Variants in RBFOX1 observed in about 807,000 individuals in gnomAD.
The protein encoded by RBFOX1 is RNA binding protein fox-1 homolog 1.
RBFOX1 carries 8 observed loss-of-function variants against 57.7 expected under a neutral mutation model. The observed-to-expected ratio is 0.14, with a 90% CI of 0.08 to 0.25. RBFOX1 has a LOEUF of 0.25. Among genes scored for constraint, RBFOX1 ranks in the 10% least tolerant of loss-of-function variants. The probability of loss-of-function intolerance (pLI) is 1.00; values close to 1 mark genes in which losing one functional copy is unlikely to be tolerated. For synonymous variants in RBFOX1, 326 were observed against 222.4 expected, an observed-to-expected ratio of 1.47 and a Z score of -4.15; for missense variants, 611 against 548.5, an observed-to-expected ratio of 1.11 and a Z score of -1.14.
intron 3 of RBFOX1, among the ~76,000 whole-genome samples, chr16:5,781,250 G>C (rs751749282): frequency 6.6e-6 from 1 of 152,164 alleles, no homozygotes; most frequent in Non-Finnish European, 1.5e-5. Context: ...TCCTCTAAGT[G>C]GGGGAAATGG....
intron 6 of RBFOX1, among the ~76,000 whole-genome samples, chr16:7,580,901 G>A (rs2093708933): frequency 6.6e-6 from 1 of 152,170 alleles, no homozygotes. Context: ...GCAATGGTGG[G>A]CTTCTCAGAG....
intron 1 of RBFOX1, among the ~76,000 whole-genome samples, chr16:6,128,583 T>G (rs1032459837): frequency 6.6e-6 from 1 of 152,188 alleles, no homozygotes; most frequent in African/African-American, 2.4e-5. Flanking sequence ...GCTGAAGATT[T>G]GAAGAGTAGA....
chr16:6,973,181 G>T lies in RBFOX1; in HGVS notation c.-15-78876G>T, dbSNP rs1037052003. Reference sequence around the variant, plus strand: ...AGAGACAAGGCCATCAGCTTTGAGAGAGTGTGTGTGTGGTGGTGGGGGGCG... The same window carrying T: ...AGAGACAAGGCCATCAGCTTTGAGATAGTGTGTGTGTGGTGGTGGGGGGCG... On this transcript the variant is annotated intron_variant, in intron 3 of 15. Coordinates refer to ENST00000550418, the MANE Select transcript of RBFOX1 (RefSeq NM_018723.4). Among the ~76,000 whole-genome samples the T allele has an allele frequency of 7.9e-5, 12 of 151,532 alleles. 1 individual carries two copies. In the South Asian group the frequency reaches 2.3e-3, roughly 29 times the overall value.
chr16:6,980,818 G>A (rs971102706), intron 3 of RBFOX1, among the ~76,000 whole-genome samples: 14 of 152,018 alleles, frequency 9.2e-5, no homozygotes, highest in African/African-American at 2.9e-4. Context: ...CAAGGCAGGC[G>A]GATCACTTCA....
intron 4 of RBFOX1, among the ~76,000 whole-genome samples, chr16:7,449,736 G>GA (rs1246622736): frequency 2.2e-4 from 31 of 140,232 alleles, no homozygotes; most frequent in African/African-American, 7.6e-4. Flanking sequence ...GTGTGGGGGG[G>GA]GGGGGTTGTT....
intron 3 of RBFOX1, among the ~76,000 whole-genome samples, chr16:5,825,342 A>G (rs2055999409): frequency 1.3e-5 from 2 of 152,312 alleles, no homozygotes; most frequent in South Asian, 2.1e-4. Flanking sequence ...TCCCCTCTCT[A>G]TGCCACATCT....
chr16:5,854,851 G>C (rs942302425), intron 3 of RBFOX1, among the ~76,000 whole-genome samples: 14 of 152,064 alleles, frequency 9.2e-5, no homozygotes, highest in African/African-American at 3.1e-4. Flanking sequence ...CCACAATGTA[G>C]AAAGGTACCC....
intron 14 of RBFOX1, among the ~76,000 whole-genome samples, chr16:7,684,547 G>C (rs1221309850): frequency 6.6e-6 from 1 of 151,796 alleles, no homozygotes; most frequent in Non-Finnish European, 1.5e-5. Context: ...GCTTTGGCCT[G>C]AGATTATAGA....
intron 13 of RBFOX1, among the ~76,000 whole-genome samples, chr16:7,670,852 CTT>C (rs1052510629): frequency 6.6e-6 from 1 of 152,166 alleles, no homozygotes; most frequent in African/African-American, 2.4e-5. Flanking sequence ...ATGAATGACT[CTT>C]ATGTCAAAAA....
intron 3 of RBFOX1, among the ~76,000 whole-genome samples, chr16:6,907,203 G>A (rs1461327039): frequency 6.6e-6 from 1 of 152,110 alleles, no homozygotes; most frequent in Non-Finnish European, 1.5e-5. Context: ...TAGGGCAGGG[G>A]CCAGGGATGT....
At chr16:6,578,253 C>T (rs1307060542) in intron 2 of RBFOX1, among the ~76,000 whole-genome samples, 4 of 152,146 alleles carry the variant, frequency 2.6e-5, no homozygotes, top group African/African-American at 9.7e-5. Context: ...CATCACAAAA[C>T]ACTTTTTTCA....
chr16:7,652,008 C>T (rs1036432218), intron 11 of RBFOX1, among the ~76,000 whole-genome samples: 1 of 151,796 alleles, frequency 6.6e-6, no homozygotes, highest in Admixed American at 6.6e-5. Flanking sequence ...TTAGGATTTG[C>T]ATGAGAAGGG....
intron 1 of RBFOX1, among the ~76,000 whole-genome samples, chr16:6,160,336 A>C (rs906920274): frequency 1.3e-5 from 2 of 152,196 alleles, no homozygotes; most frequent in Admixed American, 1.3e-4. Flanking sequence ...TAAAGTGGTT[A>C]TGATAGAGAA....
chr16:6,186,598 G>C (rs2097106808), intron 1 of RBFOX1, among the ~76,000 whole-genome samples: 1 of 152,180 alleles, frequency 6.6e-6, no homozygotes, highest in Non-Finnish European at 1.5e-5. Flanking sequence ...CAGAGATAGG[G>C]AGAGTGTGGC....
intron 2 of RBFOX1, among the ~76,000 whole-genome samples, chr16:6,476,000 A>T (rs1249099085): frequency 6.6e-6 from 1 of 152,214 alleles, no homozygotes; most frequent in Non-Finnish European, 1.5e-5. Flanking sequence ...TTAGGTGGGC[A>T]TAAACCAAAC....
At chr16:5,465,597 A>G (rs893044771) in intron 1 of RBFOX1, among the ~76,000 whole-genome samples, 2 of 151,556 alleles carry the variant, frequency 1.3e-5, no homozygotes, top group Admixed American at 6.6e-5. Context: ...GTCCCCCAGG[A>G]CTCCTCTTCA....
intron 1 of RBFOX1, among the ~76,000 whole-genome samples, chr16:6,076,347 TAC>T (rs763484762): frequency 3.3e-5 from 5 of 150,554 alleles, no homozygotes; most frequent in Non-Finnish European, 7.4e-5. Context: ...CACACACACA[TAC>T]ACACACACAC....
At chr16:7,460,367 C>CAAAAA (rs201733820) in intron 4 of RBFOX1, among the ~76,000 whole-genome samples, 5 of 46,696 alleles carry the variant, frequency 1.1e-4, no homozygotes, top group African/African-American at 5.4e-4. Flanking sequence ...AATCATTTAG[C>CAAAAA]AAAATATATA....
intron 1 of RBFOX1, among the ~76,000 whole-genome samples, chr16:6,044,081 A>G (rs2095470600): frequency 6.6e-6 from 1 of 152,274 alleles, no homozygotes; most frequent in East Asian, 1.9e-4. Flanking sequence ...AACTAATCCT[A>G]ATTTGAGTAT....
Sources: allele counts gnomAD v4.1 joint callset (sites outside exome capture counted in the v4.1 genomes callset), GRCh38; gene constraint gnomAD v4.1.1; transcripts MANE v1.5; gene names NCBI Gene and HGNC (gene_info 2026-07-23, HGNC 2026-07-21).